Variants in PRKCB observed in about 807,000 individuals in gnomAD.
PRKCB encodes protein kinase C beta type.
In PRKCB, 13 loss-of-function variants were observed where a neutral mutation model predicts 81.5. The ratio of observed to expected loss-of-function variants is 0.16; its 90% CI spans 0.10 to 0.25. The LOEUF is 0.25. Among genes scored for constraint, PRKCB ranks in the 10% least tolerant of loss-of-function variants. The pLI is 1.00. For missense variants in PRKCB, 509 were observed against 875.7 expected (o/e 0.58, Z 5.29); for synonymous variants, 335 against 321.4 (o/e 1.04, Z -0.45).
chr16:23,907,682 CAG>C (rs1175141050), intron 2 of PRKCB, among the ~76,000 whole-genome samples: 1 of 152,208 alleles, frequency 6.6e-6, no homozygotes, highest in Non-Finnish European at 1.5e-5. Flanking sequence ...CTATCTATCT[CAG>C]AGACCAGAAC....
chr16:23,862,214 A>C (rs963730056), intron 2 of PRKCB, among the ~76,000 whole-genome samples: 1 of 152,220 alleles, frequency 6.6e-6, no homozygotes, highest in African/African-American at 2.4e-5. Flanking sequence ...GTTGGACAGT[A>C]GACTGTCTCT....
At position 24,103,761 on chromosome 16, in the gene PRKCB, A is replaced by G. The variant is rs1354822489; in HGVS notation, c.822-9212A>G. 3.3e-5 allele frequency among the ~76,000 whole-genome samples: 5 copies of G among 152,132 alleles called. No individual in the cohort carries two copies. The East Asian group carries it at 9.7e-4, about 29-fold the overall frequency. The stretch of plus-strand genomic sequence containing the variant: ...GTCTGTTGTTGTCATCTTTATGTCC[A>G]TGAGTGTAGGGTATACATTTATTCA... On this transcript the variant is annotated intron_variant, in intron 7 of 16. Transcript: ENST00000643927.
At chr16:24,079,805 T>G (rs1966226424) in intron 5 of PRKCB, among the ~76,000 whole-genome samples, 1 of 152,360 alleles carries the variant, frequency 6.6e-6, no homozygotes, top group African/African-American at 2.4e-5. Context: ...ATTCTTAATT[T>G]GATTGTGGCC....
chr16:24,056,262 G>T (rs1965901401), intron 5 of PRKCB, among the ~76,000 whole-genome samples: 2 of 152,202 alleles, frequency 1.3e-5, no homozygotes, highest in Non-Finnish European at 1.5e-5. Context: ...CCTGGCATCA[G>T]ACTGACCTGG....
Position 23,959,451 on chromosome 16 carries a change from C to T in PRKCB, c.206-29057C>T, listed in dbSNP as rs529498651. Among the ~76,000 whole-genome samples the T allele has an allele frequency of 1.2e-4, 19 of 152,230 alleles. 1 individual carries two copies. The highest frequency in any genetic ancestry group is 3.9e-4 in the African/African-American group (16 of 41,554). On this transcript the variant is annotated intron_variant, in intron 2 of 16. Coordinates refer to ENST00000643927, the MANE Select transcript of PRKCB (RefSeq NM_002738.7). The stretch of plus-strand genomic sequence containing the variant: ...TCATTGGGGTAGGACCAAAGAAAAA[C>T]GGGGTGAATGTACGGTTGCTGCTTT...
rs528991358 is a variant in PRKCB, at chr16:23,916,139, A to G, written c.206-72369A>G. On this transcript the variant is annotated intron_variant, in intron 2 of 16. Coordinates refer to ENST00000643927, the MANE Select transcript of PRKCB (RefSeq NM_002738.7). ...GGTGATCACAGCTCACTGCAGCCTC[A>G]ATCTCCTGGGCTCAAGCGATTCTCC... 1.8e-3 allele frequency among the ~76,000 whole-genome samples: 266 copies of G among 151,790 alleles called. 1 individual carries two copies. Among genetic ancestry groups the G allele is most frequent in the African/African-American group, 6.3e-3 (259 of 41,378 alleles).
chr16:23,855,237 T>C (rs1406940545), intron 2 of PRKCB, among the ~76,000 whole-genome samples: 2 of 152,144 alleles, frequency 1.3e-5, no homozygotes, highest in Non-Finnish European at 2.9e-5. Flanking sequence ...CACAGAGCTG[T>C]GATGGAGTGC....
At chr16:24,086,287 A>G (rs1966309829) in intron 5 of PRKCB, among the ~76,000 whole-genome samples, 2 of 152,182 alleles carry the variant, frequency 1.3e-5, no homozygotes, top group South Asian at 4.1e-4. Context: ...AGGGGGGTTC[A>G]AGCAAAGGAC....
intron 3 of PRKCB, among the ~76,000 whole-genome samples, chr16:24,000,989 G>GT (rs59302470): frequency 0.082 from 12,264 of 148,832 alleles, 969 homozygotes; most frequent in African/African-American, 0.21. Context: ...AAATAAAGCG[G>GT]TTTTTTTTTT....
intron 2 of PRKCB, among the ~76,000 whole-genome samples, chr16:23,987,407 G>A (rs1430368093): frequency 7.4e-6 from 1 of 135,848 alleles, no homozygotes; most frequent in Non-Finnish European, 1.6e-5. Context: ...GGGGTGGGGG[G>A]GGGTGTGTTT....
intron 16 of PRKCB, among the ~76,000 whole-genome samples, chr16:24,200,752 T>C (rs1321507083): frequency 1.3e-5 from 2 of 152,118 alleles, no homozygotes; most frequent in Non-Finnish European, 1.5e-5. Flanking sequence ...TCATCCCTTT[T>C]ATTAGGATCC....
At chr16:23,978,677 T>A (rs1964655267) in intron 2 of PRKCB, among the ~76,000 whole-genome samples, 1 of 152,052 alleles carries the variant, frequency 6.6e-6, no homozygotes, top group Non-Finnish European at 1.5e-5. Flanking sequence ...TCAAGTTAGA[T>A]GGTGGGGTAT....
chr16:24,022,489 C>A (rs1965417020), intron 3 of PRKCB, among the ~76,000 whole-genome samples: 1 of 152,058 alleles, frequency 6.6e-6, no homozygotes, highest in Admixed American at 6.5e-5. Context: ...TTTATTCTTT[C>A]TTTCTTTCTT....
chr16:24,206,825 C>T (rs1317386842), intron 16 of PRKCB, among the ~76,000 whole-genome samples: 4 of 152,228 alleles, frequency 2.6e-5, no homozygotes, highest in Non-Finnish European at 5.9e-5. Context: ...TCGCCAGAGT[C>T]CAGCATGCTG....
chr16:24,188,863 C>A (rs1273923623), intron 15 of PRKCB, among the ~76,000 whole-genome samples: 1 of 152,150 alleles, frequency 6.6e-6, no homozygotes, highest in Non-Finnish European at 1.5e-5. Context: ...GTTGCTGAGG[C>A]CTTAGAGTAT....
At chr16:23,891,983 G>A (rs879365838) in intron 2 of PRKCB, among the ~76,000 whole-genome samples, 1 of 152,088 alleles carries the variant, frequency 6.6e-6, no homozygotes, top group Non-Finnish European at 1.5e-5. Context: ...AAAACCATAG[G>A]CCCCCTGCCC....
chr16:23,895,584 G>A (rs1475228854), intron 2 of PRKCB, among the ~76,000 whole-genome samples: 1 of 151,964 alleles, frequency 6.6e-6, no homozygotes, highest in Non-Finnish European at 1.5e-5. Flanking sequence ...CATTTCTAAT[G>A]TACTTTTATG....
At chr16:24,055,410 C>T (rs1011870696) in intron 5 of PRKCB, among the ~76,000 whole-genome samples, 5 of 152,200 alleles carry the variant, frequency 3.3e-5, no homozygotes, top group African/African-American at 7.2e-5. Flanking sequence ...TCTGTTCCTC[C>T]TCCCCTGACG....
intron 2 of PRKCB, among the ~76,000 whole-genome samples, chr16:23,931,587 G>A (rs1198363603): frequency 4.6e-5 from 7 of 152,130 alleles, no homozygotes; most frequent in Non-Finnish European, 8.8e-5. Flanking sequence ...GGAGAGAAGC[G>A]AGAGGACAGG....
Sources: gnomAD v4.1 joint callset for allele counts (sites outside exome capture counted in the v4.1 genomes callset) on GRCh38, gnomAD v4.1.1 for gene constraint, MANE v1.5 for transcripts, NCBI Gene and HGNC (gene_info 2026-07-23, HGNC 2026-07-21) for gene names.